Variants in PIK3C2A observed in about 807,000 individuals in gnomAD.
The protein encoded by PIK3C2A is phosphatidylinositol-4-phosphate 3-kinase catalytic subunit type 2 alpha.
In PIK3C2A, 97 loss-of-function variants were observed where a neutral mutation model predicts 204.5. The observed-to-expected ratio is 0.47, with a 90% CI of 0.40 to 0.56. The LOEUF (loss-of-function observed/expected upper bound fraction) is 0.56, where lower values mean the gene tolerates loss of function less well. PIK3C2A is among the 20% of genes least tolerant of loss of function. The pLI is 0.00. For missense variants in PIK3C2A, 1,735 were observed against 1,969.2 expected (o/e 0.88, Z 2.25); for synonymous variants, 653 against 664.4 (o/e 0.98, Z 0.26).
At position 17,132,027 on chromosome 11, in the gene PIK3C2A, T is replaced by C; in HGVS notation, c.2120A>G (p.Tyr707Cys). The C allele has an allele frequency of 6.6e-7, 1 of 1,515,418 alleles. No individual in the cohort carries two copies. Among genetic ancestry groups the C allele is most frequent in the Non-Finnish European group, 9.0e-7 (1 of 1,111,290 alleles). 93.9% of individuals were successfully genotyped at this position (1,515,418 alleles called of 1,614,324 possible). The change falls in exon 12 of 33, where the codon TAC becomes TGC. Residue 707 changes from tyrosine to cysteine, a missense_variant. This residue lies in a region of PIK3C2A where 567 missense variants were observed against 576.0 expected (regional missense o/e 0.98). Coordinates refer to ENST00000691414, the MANE Select transcript of PIK3C2A (RefSeq NM_002645.4). Reference protein sequence around the residue: ...SSNWVSNYEKYYLICSLSHNG... With the variant: ...SSNWVSNYEKCYLICSLSHNG... ...GTGAGACAGTGAACATATCAAGTAG[T>C]ATTTTTCATAACTGAGAAAAGAAAG...
chr11:17,141,395 G>A (rs1590955228), intron 8 of PIK3C2A: 2 of 149,414 alleles, frequency 1.3e-5, no homozygotes, highest in South Asian at 2.1e-4. Flanking sequence ...CCTCAGCCCC[G>A]AGTAGCTGAG....
At chr11:17,143,344 C>G (rs1484911022) in intron 8 of PIK3C2A, among the ~76,000 whole-genome samples, 1 of 152,076 alleles carries the variant, frequency 6.6e-6, no homozygotes, top group African/African-American at 2.4e-5. Flanking sequence ...TTCACCTGGA[C>G]TGCTATAAAA....
rs942258354 is a variant in PIK3C2A, at chr11:17,169,681, T to A, written c.61A>T (p.Thr21Ser). ...KECPSSHPEP[T>S]RAKDVDKEEA... is the part of the protein sequence containing the mutation. ...TCTTTGTCCACATCTTTTGCTCTTG[T>A]TGGTTCCGGATGTGAAGATGGACAT... is the stretch of plus-strand genomic sequence containing the variant. Residue 21 changes from threonine (T) to serine (S), a missense_variant, in exon 2 of 33, where the codon ACA (threonine) becomes TCA (serine). Transcript: ENST00000691414. 1 of 1,611,422 alleles carries A rather than the reference T, an allele frequency of 6.2e-7. No individual in the cohort carries two copies. Among genetic ancestry groups the A allele is most frequent in the Non-Finnish European group, 8.5e-7 (1 of 1,179,996 alleles).
chr11:17,145,894 T>C lies in PIK3C2A; in HGVS notation c.1609A>G (p.Ile537Val). The change falls in exon 7 of 33, where the codon ATA becomes GTA. Residue 537 changes from isoleucine (I) to valine (V), a missense_variant. Ile to Val is a conservative substitution (Grantham distance 29). Transcript: ENST00000691414. ...ATGGCTTCTTTGCAAGGTTTTTCTA[T>C]TTGATACAGGTGTTTGTTTAAATCC... ...PVDLNKHLYQ[I>V]EKPCKEAMTR... is the part of the protein sequence containing the mutation. 6.2e-7 allele frequency: 1 copy of C among 1,613,666 alleles called. No homozygotes were observed. The highest frequency in any genetic ancestry group is 1.1e-5 in the South Asian group (1 of 91,076).
intron 1 of PIK3C2A, among the ~76,000 whole-genome samples, chr11:17,178,091 T>TCAAA (rs1851395851): frequency 4.0e-5 from 1 of 24,910 alleles, no homozygotes; most frequent in African/African-American, 3.0e-4. Context: ...AGACTCCATC[T>TCAAA]CAAAAAAAAA....
intron 2 of PIK3C2A, among the ~76,000 whole-genome samples, chr11:17,158,378 T>C (rs1379759386): frequency 6.7e-6 from 1 of 148,328 alleles, no homozygotes; most frequent in Non-Finnish European, 1.5e-5. Context: ...AATAAATATA[T>C]ATATATATAA....
chr11:17,169,959 A>T (rs956659034), intron 1 of PIK3C2A, among the ~76,000 whole-genome samples, 153 bp from the exon 2 acceptor site: 15 of 152,252 alleles, frequency 9.9e-5, no homozygotes, highest in Non-Finnish European at 1.6e-4. Context: ...TGGGTGAAGG[A>T]ACACTTAACA....
At chr11:17,107,035 C>T (rs553687625) in intron 22 of PIK3C2A, among the ~76,000 whole-genome samples, 136 of 152,200 alleles carry the variant, frequency 8.9e-4, no homozygotes, top group African/African-American at 3.1e-3. Context: ...AAGTATCTGC[C>T]AGGCGTGGTG....
At chr11:17,102,578 A>C in intron 24 of PIK3C2A, 84 bp downstream of exon 24, 1 of 1,103,852 alleles carries the variant, frequency 9.1e-7, no homozygotes, top group East Asian at 2.4e-5. Context: ...TGGAGCCGCG[A>C]GGCAAAACAC....
intron 28 of PIK3C2A, among the ~76,000 whole-genome samples, chr11:17,093,653 G>T (rs972889615): frequency 2.7e-5 from 4 of 150,158 alleles, no homozygotes; most frequent in Admixed American, 6.6e-5. Context: ...TTTTTGGGGG[G>T]GGGGGACAGG....
chr11:17,177,903 G>A (rs1851388628), intron 1 of PIK3C2A, among the ~76,000 whole-genome samples: 1 of 152,000 alleles, frequency 6.6e-6, no homozygotes, highest in African/African-American at 2.4e-5. Flanking sequence ...GACCAGCCTG[G>A]CCAGTATGGT....
At chr11:17,197,924 C>T (rs771984513) in intron 1 of PIK3C2A, among the ~76,000 whole-genome samples, 7 of 151,982 alleles carry the variant, frequency 4.6e-5, no homozygotes, top group South Asian at 2.1e-4. Flanking sequence ...TAAAAAATAA[C>T]GAAAAACTGA....
chr11:17,177,208 T>C (rs1035653920), intron 1 of PIK3C2A, among the ~76,000 whole-genome samples: 4 of 152,156 alleles, frequency 2.6e-5, no homozygotes, highest in African/African-American at 9.6e-5. Context: ...TTTAATAAAT[T>C]TGTTTCTTTT....
chr11:17,096,146 C>G (rs1848449937), intron 27 of PIK3C2A, among the ~76,000 whole-genome samples: 1 of 151,700 alleles, frequency 6.6e-6, no homozygotes, highest in Admixed American at 6.6e-5. Flanking sequence ...TCAAGCGATT[C>G]TCCTGCCTCA....
At chr11:17,178,092 C>CAAAAAAAAA (rs750346823) in intron 1 of PIK3C2A, among the ~76,000 whole-genome samples, 1 of 64,110 alleles carries the variant, frequency 1.6e-5, no homozygotes, top group Non-Finnish European at 2.6e-5. Flanking sequence ...GACTCCATCT[C>CAAAAAAAAA]AAAAAAAAAA....
intron 6 of PIK3C2A, among the ~76,000 whole-genome samples, 196 bp from the exon 7 acceptor site, chr11:17,146,138 CTTGT>C (rs1429284617): frequency 1.3e-5 from 2 of 152,008 alleles, no homozygotes; most frequent in East Asian, 1.9e-4. Flanking sequence ...TGAAAAAAAA[CTTGT>C]TTGTTAAATG....
chr11:17,137,846 T>C (rs1849925523), intron 8 of PIK3C2A: 3 of 309,692 alleles, frequency 9.7e-6, no homozygotes, highest in African/African-American at 2.1e-5. Flanking sequence ...TTTTAGATTT[T>C]GTCAATTGAA....
chr11:17,181,863 G>C (rs559762841), intron 1 of PIK3C2A, among the ~76,000 whole-genome samples: 1 of 151,718 alleles, frequency 6.6e-6, no homozygotes, highest in Admixed American at 6.6e-5. Context: ...AGGCCAAGGC[G>C]GGTGGATCAC....
chr11:17,194,792 C>T (rs1313006509), intron 1 of PIK3C2A, among the ~76,000 whole-genome samples: 1 of 151,950 alleles, frequency 6.6e-6, no homozygotes, highest in African/African-American at 2.4e-5. Flanking sequence ...GCCTGTTATC[C>T]CAGCTACTCG....
Sources: allele counts gnomAD v4.1 joint callset (sites outside exome capture counted in the v4.1 genomes callset), GRCh38; gene constraint gnomAD v4.1.1; regional missense constraint gnomAD v4.1.1; transcripts MANE v1.5; gene names NCBI Gene and HGNC (gene_info 2026-07-23, HGNC 2026-07-21).